CACNA2D4: variants seen among roughly 807,000 people sequenced by gnomAD.
The protein encoded by CACNA2D4 is voltage-dependent calcium channel subunit alpha-2/delta-4.
CACNA2D4 carries 157 observed loss-of-function variants against 163.8 expected under a neutral mutation model. The ratio of observed to expected loss-of-function variants is 0.96; its 90% CI spans 0.84 to 1.09. The LOEUF is 1.09. CACNA2D4 is among the 50% of genes least tolerant of loss of function. The pLI, the probability that CACNA2D4 is intolerant of heterozygous loss-of-function variation, is 0.00. For synonymous variants in CACNA2D4, 598 were observed against 586.9 expected (o/e 1.02, Z -0.27); for missense variants, 1,410 against 1,479.9 (o/e 0.95, Z 0.78).
At position 1,910,043 on chromosome 12, in the gene CACNA2D4, G is replaced by A. The variant is rs1002807264; in HGVS notation, c.427-78C>T. 61 of 1,205,726 alleles carry A rather than the reference G, an allele frequency of 5.1e-5. No homozygotes were observed. The African/African-American group carries it at 6.6e-4, about 13-fold the overall frequency. The allele number at this position is 1,205,726 out of a possible 1,614,324, so 74.7% of individuals were successfully genotyped here. On this transcript the variant is annotated intron_variant, in intron 3 of 37. Transcript: ENST00000382722. ...GTTTTCAGCAAGTGAAACAGTTGCC[G>A]GGTGACCCAGCAATCCCACTCCTGG... is the stretch of plus-strand genomic sequence containing the variant.
At chr12:1,894,298 G>C (rs1427536853) in intron 6 of CACNA2D4, among the ~76,000 whole-genome samples, 1 of 152,082 alleles carries the variant, frequency 6.6e-6, no homozygotes, top group Non-Finnish European at 1.5e-5. Flanking sequence ...CTGCCAAATT[G>C]TACCAAACTT....
Position 1,797,438 on chromosome 12 carries a change from C to T in CACNA2D4, c.3093G>A (p.Val1031=), listed in dbSNP as rs1381035296. 6.4e-7 allele frequency: 1 copy of T among 1,561,428 alleles called. No individual in the cohort carries two copies. Among genetic ancestry groups the T allele is most frequent in the South Asian group, 1.2e-5 (1 of 85,870 alleles). ...QPAIREANGI[V]ECGPCQKVFV... is the part of the protein sequence containing the mutation. ...CTTACTTCTGGCAGGGCCCGCACTC[C>T]ACGATCCCGTTGGCCTCCCGGATGG... The change falls in exon 35 of 38, where the codon GTG becomes GTA. Residue 1031 remains valine, a synonymous_variant. Transcript: ENST00000382722.
chr12:1,911,750 G>C (rs1240709096), intron 3 of CACNA2D4, among the ~76,000 whole-genome samples: 1 of 152,172 alleles, frequency 6.6e-6, no homozygotes, highest in Non-Finnish European at 1.5e-5. Flanking sequence ...TCTCAGGACT[G>C]CTCGCTGCTC....
At chr12:1,872,882 G>A (rs1372158940) in intron 18 of CACNA2D4, among the ~76,000 whole-genome samples, 1 of 152,188 alleles carries the variant, frequency 6.6e-6, no homozygotes, top group Non-Finnish European at 1.5e-5. Context: ...GAAATGCTAT[G>A]CTAAAGCAAA....
Position 1,874,473 on chromosome 12 carries a change from C to A in CACNA2D4, c.1878+131G>T. 1 of 655,658 alleles carries A rather than the reference C, an allele frequency of 1.5e-6. No individual in the cohort carries two copies. Among genetic ancestry groups the A allele is most frequent in the South Asian group, 1.9e-5 (1 of 53,726 alleles). 40.6% of individuals were successfully genotyped at this position (655,658 alleles called of 1,614,324 possible). A position where few individuals can be genotyped will look rare whatever the true frequency, so the allele number is the denominator to read the frequency against. On this transcript the variant is annotated intron_variant, in intron 18 of 37. Transcript: ENST00000382722. The surrounding 1 kb of genome is among the most constrained non-coding windows in gnomAD (Gnocchi z 4.4). The stretch of plus-strand genomic sequence containing the variant: ...CACCCTGCGTATACTCCCTAATGGA[C>A]CCTCTAGGTGCAGCAAGCACTCAAC...
chr12:1,815,732 G>A (rs1212699878), intron 26 of CACNA2D4, among the ~76,000 whole-genome samples: 4 of 152,114 alleles, frequency 2.6e-5, no homozygotes, highest in Non-Finnish European at 5.9e-5. Flanking sequence ...AGCTTCAGGG[G>A]CCTTGCTGAC....
rs996611500 is a variant in CACNA2D4, at chr12:1,917,044, T to A, written c.227+1203A>T. The stretch of plus-strand genomic sequence containing the variant: ...TGTGTGTTCTGGGGATGAAAATTGT[T>A]CTGAACATCTCCTGCAGCAACAGAT... On this transcript the variant is annotated intron_variant, in intron 1 of 37. Transcript: ENST00000382722. This position sits in a 1 kb window ranked among gnomAD's most constrained non-coding sequence, Gnocchi z 4.3. Among the ~76,000 whole-genome samples, 13 of 152,126 alleles carry A rather than the reference T, an allele frequency of 8.5e-5. No individual in the cohort carries two copies. The highest frequency in any genetic ancestry group is 3.1e-4 in the African/African-American group (13 of 41,428).
At chr12:1,867,462 C>G (rs1013186371) in intron 18 of CACNA2D4, among the ~76,000 whole-genome samples, 2 of 152,094 alleles carry the variant, frequency 1.3e-5, no homozygotes, top group Non-Finnish European at 2.9e-5. Context: ...TTCACTGTCC[C>G]TTTATTCTAC....
At chr12:1,801,261 A>G (rs1863315404) in intron 30 of CACNA2D4, 143 bp from the exon 31 acceptor site, 1 of 711,686 alleles carries the variant, frequency 1.4e-6, no homozygotes, top group Non-Finnish European at 2.5e-6. Context: ...AATACAGCTC[A>G]TGCTGAAAAT....
At chr12:1,796,167 C>A (rs1215629698) in intron 35 of CACNA2D4, among the ~76,000 whole-genome samples, 2 of 152,194 alleles carry the variant, frequency 1.3e-5, no homozygotes, top group Non-Finnish European at 2.9e-5. Flanking sequence ...CCGGGCGAAG[C>A]GGCAGCGCTG....
intron 27 of CACNA2D4, among the ~76,000 whole-genome samples, 151 bp from the exon 28 acceptor site, chr12:1,810,738 G>T (rs918130407): frequency 5.9e-5 from 9 of 152,160 alleles, no homozygotes; most frequent in Non-Finnish European, 1.2e-4. Flanking sequence ...CCTGTGTGGG[G>T]TGTGGGTGTG....
At chr12:1,892,125 AG>A (rs1358289140) in intron 6 of CACNA2D4, among the ~76,000 whole-genome samples, 30 of 128,866 alleles carry the variant, frequency 2.3e-4, no homozygotes, top group African/African-American at 7.6e-4. Context: ...AACTGTAAAA[AG>A]TTAAGGACAA....
rs1864737340 is a variant in CACNA2D4 at position 1,833,878 on chromosome 12, G to T, written c.2551+6861C>A. ...ATTCGGGGGCAGAGAGTGTGGCAGG[G>T]ACGCTCAGCTCTCTAATGACAGCCC... On this transcript the variant is annotated intron_variant, in intron 26 of 37. Coordinates refer to ENST00000382722, the MANE Select transcript of CACNA2D4 (RefSeq NM_172364.5). This position sits in a 1 kb window ranked among gnomAD's most constrained non-coding sequence, Gnocchi z 4.2. Among the ~76,000 whole-genome samples the T allele has an allele frequency of 6.6e-6, 1 of 152,182 alleles. No homozygotes were observed. The highest frequency in any genetic ancestry group is 1.5e-5 in the Non-Finnish European group (1 of 68,034).
chr12:1,831,491 G>A (rs1864628628), intron 26 of CACNA2D4: 1 of 1,613,664 alleles, frequency 6.2e-7, no homozygotes, highest in Non-Finnish European at 8.5e-7. Flanking sequence ...ACCTGCGTGA[G>A]TTCAAACACT....
rs114575274 is a variant in CACNA2D4, at chr12:1,880,492, G to A, written c.1486-611C>T. 2.4e-3 allele frequency among the ~76,000 whole-genome samples: 364 copies of A among 152,370 alleles called. 4 individuals are homozygous for A. Among genetic ancestry groups the A allele is most frequent in the African/African-American group, 8.3e-3 (345 of 41,596 alleles). Reference sequence around the variant, plus strand: ...CCTTGCCACCTCTAGACGGCTGTCCGCCCTGACTGGCTGGGCTCGCCGTGC... The same window carrying A: ...CCTTGCCACCTCTAGACGGCTGTCCACCCTGACTGGCTGGGCTCGCCGTGC... On this transcript the variant is annotated intron_variant, in intron 13 of 37. Transcript: ENST00000382722.
intron 26 of CACNA2D4, among the ~76,000 whole-genome samples, chr12:1,830,211 G>GTTGA (rs1864559837): frequency 6.6e-6 from 1 of 152,244 alleles, no homozygotes; most frequent in Non-Finnish European, 1.5e-5. Flanking sequence ...ACTTGTCAAT[G>GTTGA]TTGAAGTGGG....
At chr12:1,904,233 T>A (rs2154451602) in intron 6 of CACNA2D4, among the ~76,000 whole-genome samples, 1 of 151,900 alleles carries the variant, frequency 6.6e-6, no homozygotes, top group South Asian at 2.1e-4. Context: ...AGGGTAGCGA[T>A]GGGGTTGGGG....
intron 6 of CACNA2D4, among the ~76,000 whole-genome samples, chr12:1,889,484 T>C (rs1038364007): frequency 6.6e-6 from 1 of 152,170 alleles, no homozygotes; most frequent in Non-Finnish European, 1.5e-5. Context: ...GCAAAAATAT[T>C]ATTTAATTTT....
Position 1,846,645 on chromosome 12 carries a change from G to A in CACNA2D4, c.2291C>T (p.Ala764Val). 1 of 1,604,568 alleles carries A rather than the reference G, an allele frequency of 6.2e-7. No homozygotes were observed. ...VVDMAFLGTR[A>V]GLLRSSLFVG... ...GAACAAGCTGCTTCTCAGGAGGCCA[G>A]CCCGGGTGCCCAGGAAGGCCATGTC... is the stretch of plus-strand genomic sequence containing the variant. Residue 764 changes from alanine (A) to valine (V), a missense_variant, in exon 24 of 38, where the codon GCT becomes GTT. Ala to Val is a moderately conservative substitution (Grantham distance 64). Coordinates refer to ENST00000382722, the MANE Select transcript of CACNA2D4 (RefSeq NM_172364.5).
Sources: allele counts gnomAD v4.1 joint callset (sites outside exome capture counted in the v4.1 genomes callset), GRCh38; gene constraint gnomAD v4.1.1; non-coding constraint Gnocchi (gnomAD v3.1); transcripts MANE v1.5; gene names NCBI Gene and HGNC (gene_info 2026-07-23, HGNC 2026-07-21).